Variants in MKLN1 observed in about 807,000 individuals in gnomAD.
The protein encoded by MKLN1 is muskelin 1, also known as muskelin.
Under a neutral mutation model 99.0 loss-of-function variants are expected in MKLN1, and 18 were observed. That is an observed-to-expected ratio of 0.18 (90% CI 0.13 to 0.27). MKLN1 has a LOEUF of 0.27. MKLN1 is among the 10% of genes least tolerant of loss of function. The probability of loss-of-function intolerance (pLI) is 1.00; values close to 1 mark genes in which losing one functional copy is unlikely to be tolerated. For synonymous variants in MKLN1, 288 were observed against 293.2 expected (o/e 0.98, Z 0.18); for missense variants, 621 against 875.9 (o/e 0.71, Z 3.67).
At chr7:131,209,326 G>A (rs769600272) in intron 3 of MKLN1, among the ~76,000 whole-genome samples, 2 of 152,182 alleles carry the variant, frequency 1.3e-5, no homozygotes, top group Admixed American at 6.5e-5. Flanking sequence ...GAATTGCAGA[G>A]AGCAAGGGTG....
At chr7:131,437,284 T>C (rs535435148) in intron 9 of MKLN1, among the ~76,000 whole-genome samples, 84 of 152,114 alleles carry the variant, frequency 5.5e-4, no homozygotes, top group Non-Finnish European at 1.1e-3. Flanking sequence ...TCCAAGTGAT[T>C]AAACTAGAGA....
At chr7:131,279,227 A>G (rs1798016359) in intron 3 of MKLN1, among the ~76,000 whole-genome samples, 1 of 152,224 alleles carries the variant, frequency 6.6e-6, no homozygotes, top group Non-Finnish European at 1.5e-5. Flanking sequence ...GCTATGAGAA[A>G]ACTAAAATAG....
At chr7:131,225,448 A>G (rs1435802960) in intron 3 of MKLN1, among the ~76,000 whole-genome samples, 2 of 152,186 alleles carry the variant, frequency 1.3e-5, no homozygotes, top group African/African-American at 4.8e-5. Context: ...ACAAACACTC[A>G]GTCCATAGCA....
chr7:131,165,439 C>T (rs917403294), intron 2 of MKLN1, among the ~76,000 whole-genome samples: 3 of 152,174 alleles, frequency 2.0e-5, no homozygotes, highest in Non-Finnish European at 4.4e-5. Context: ...CCCGCCTCGG[C>T]CTTCCAAAGT....
intron 3 of MKLN1, among the ~76,000 whole-genome samples, chr7:131,223,152 C>T (rs540593618): frequency 6.6e-6 from 1 of 152,324 alleles, no homozygotes; most frequent in African/African-American, 2.4e-5. Context: ...TGTTGCCAAT[C>T]TGGGTGAGTT....
chr7:131,318,211 TA>T (rs1188314382), intron 3 of MKLN1, among the ~76,000 whole-genome samples: 1 of 152,120 alleles, frequency 6.6e-6, no homozygotes, highest in East Asian at 1.9e-4. Context: ...TAATAGGAAG[TA>T]AAACACTCCT....
intron 2 of MKLN1, among the ~76,000 whole-genome samples, chr7:131,197,376 A>ATTT (rs1265380029): frequency 8.1e-6 from 1 of 123,170 alleles, no homozygotes; most frequent in South Asian, 2.8e-4. Flanking sequence ...GTTAATTAAA[A>ATTT]TTTTATTATT....
chr7:131,364,962 A>T (rs563506965), intron 1 of MKLN1, among the ~76,000 whole-genome samples: 7 of 152,092 alleles, frequency 4.6e-5, no homozygotes, highest in Non-Finnish European at 8.8e-5. Context: ...AATGATTTCT[A>T]TTCCTCTGGG....
chr7:131,314,422 T>C (rs1798625662), intron 3 of MKLN1, among the ~76,000 whole-genome samples: 1 of 152,072 alleles, frequency 6.6e-6, no homozygotes, highest in South Asian at 2.1e-4. Context: ...TTGAATCTCA[T>C]TTTTGTTTGT....
chr7:131,362,636 GT>G (rs1395190265), intron 1 of MKLN1, among the ~76,000 whole-genome samples: 2 of 151,866 alleles, frequency 1.3e-5, no homozygotes, highest in Non-Finnish European at 2.9e-5. Context: ...ATTATGTTAC[GT>G]TATAGACAGT....
intron 2 of MKLN1, among the ~76,000 whole-genome samples, chr7:131,194,009 T>TG (rs1056237334): frequency 4.4e-5 from 5 of 113,010 alleles, no homozygotes; most frequent in Non-Finnish European, 7.2e-5. Flanking sequence ...TTTTGTTTTT[T>TG]TTTTTTTTTT....
intron 3 of MKLN1, among the ~76,000 whole-genome samples, chr7:131,264,795 T>C (rs547609045): frequency 1.2e-4 from 19 of 152,318 alleles, no homozygotes; most frequent in African/African-American, 4.3e-4. Flanking sequence ...CTTTTTGTTT[T>C]GCAACTGGAA....
At chr7:131,406,943 G>C (rs1011744493) in intron 6 of MKLN1, among the ~76,000 whole-genome samples, 1 of 152,050 alleles carries the variant, frequency 6.6e-6, no homozygotes, top group Non-Finnish European at 1.5e-5. Flanking sequence ...TAACAAGGCT[G>C]TCCGAAACTC....
intron 1 of MKLN1, among the ~76,000 whole-genome samples, chr7:131,115,689 C>A (rs1325377873): frequency 1.3e-5 from 2 of 152,150 alleles, no homozygotes; most frequent in African/African-American, 4.8e-5. Context: ...CACTCTCCAC[C>A]ACCGCAGTGA....
At chr7:131,182,919 A>G (rs749316972) in intron 2 of MKLN1, among the ~76,000 whole-genome samples, 2 of 152,200 alleles carry the variant, frequency 1.3e-5, no homozygotes, top group Non-Finnish European at 2.9e-5. Flanking sequence ...GACAAATTCT[A>G]TGTGATCAAC....
chr7:131,457,148 G>A (rs1367923999), intron 12 of MKLN1, among the ~76,000 whole-genome samples: 2 of 151,828 alleles, frequency 1.3e-5, no homozygotes, highest in Admixed American at 6.6e-5. Context: ...ATGGTGGCAC[G>A]TGCCTGTAGT....
intron 1 of MKLN1, among the ~76,000 whole-genome samples, chr7:131,136,584 A>G (rs959487436): frequency 1.3e-5 from 2 of 152,220 alleles, no homozygotes; most frequent in Non-Finnish European, 2.9e-5. Flanking sequence ...GATTCCATAT[A>G]GAATGTGTTT....
intron 12 of MKLN1, among the ~76,000 whole-genome samples, chr7:131,447,942 G>A (rs527674724): frequency 1.1e-3 from 161 of 152,282 alleles, no homozygotes; most frequent in Non-Finnish European, 1.9e-3. Flanking sequence ...AAAGAAAAAA[G>A]TGGCGGCCAC....
rs1796661233 is a variant in MKLN1, at chr7:131,466,367, C to T, written c.1880C>T (p.Ser627Leu). The change falls in exon 15 of 18, where the codon TCA becomes TTA. Residue 627 changes from serine (S) to leucine (L), a missense_variant. This residue lies in a region of MKLN1 where 126 missense variants were observed against 157.4 expected (regional missense o/e 0.80). Coordinates refer to ENST00000352689, the MANE Select transcript of MKLN1 (RefSeq NM_013255.5). ...TGGTCACTGAAGTTGTGTAGACCTT[C>T]AAAAGATTATTTACTGAGGCATTGC... is the stretch of plus-strand genomic sequence containing the variant. ...DFWSLKLCRP[S>L]KDYLLRHCKY... The T allele has an allele frequency of 6.2e-7, 1 of 1,600,874 alleles. No individual in the cohort carries two copies. The highest frequency in any genetic ancestry group is 8.5e-7 in the Non-Finnish European group (1 of 1,171,526).
Sources: gnomAD v4.1 joint callset for allele counts (sites outside exome capture counted in the v4.1 genomes callset) on GRCh38, gnomAD v4.1.1 for gene constraint, gnomAD v4.1.1 regional missense constraint, MANE v1.5 for transcripts, NCBI Gene and HGNC (gene_info 2026-07-23, HGNC 2026-07-21) for gene names.